ELL: variants seen among roughly 807,000 people sequenced by gnomAD.
ELL encodes elongation factor for RNA polymerase II.
Under a neutral mutation model 64.0 loss-of-function variants are expected in ELL, and 18 were observed. That is an observed-to-expected ratio of 0.28 (90% confidence interval 0.19 to 0.42). The LOEUF is 0.42. Among genes scored for constraint, ELL ranks in the 10% least tolerant of loss-of-function variants. The pLI is 1.00. For missense variants in ELL, 797 were observed against 870.4 expected (o/e 0.92, Z 1.06); for synonymous variants, 399 against 376.2 (o/e 1.06, Z -0.70).
intron 1 of ELL, among the ~76,000 whole-genome samples, chr19:18,509,689 T>C (rs1975976255): frequency 7.0e-6 from 1 of 143,556 alleles, no homozygotes; most frequent in African/African-American, 2.6e-5. Flanking sequence ...CTGGGGCTCC[T>C]CCTGGAAGTA....
chr19:18,474,375 C>G (rs1975132393), intron 1 of ELL, among the ~76,000 whole-genome samples: 1 of 152,204 alleles, frequency 6.6e-6, no homozygotes, highest in South Asian at 2.1e-4. Context: ...CAGGAGCCCC[C>G]TTCTTTGCCA....
At chr19:18,453,345 C>T (rs181696096) in intron 6 of ELL, among the ~76,000 whole-genome samples, 55 of 152,344 alleles carry the variant, frequency 3.6e-4, no homozygotes, top group Admixed American at 9.8e-4. Flanking sequence ...TCTGAATAGA[C>T]GTTTCTTCAA....
intron 1 of ELL, among the ~76,000 whole-genome samples, chr19:18,512,499 C>T (rs755506317): frequency 2.0e-5 from 3 of 146,912 alleles, no homozygotes; most frequent in Non-Finnish European, 4.5e-5. Flanking sequence ...AGCAACCAGG[C>T]GTGATGATGG....
At chr19:18,453,427 C>G (rs1000697964) in intron 6 of ELL, among the ~76,000 whole-genome samples, 2 of 152,176 alleles carry the variant, frequency 1.3e-5, no homozygotes, top group Non-Finnish European at 2.9e-5. Flanking sequence ...AAATGCAAAT[C>G]AAAACAACGA....
chr19:18,455,522 C>G, intron 6 of ELL, among the ~76,000 whole-genome samples: 1 of 150,324 alleles, frequency 6.7e-6, no homozygotes, highest in East Asian at 1.9e-4. Context: ...CATGCTCCTA[C>G]GAAAACGCAA....
chr19:18,512,011 C>T (rs1488264922), intron 1 of ELL, among the ~76,000 whole-genome samples: 1 of 151,860 alleles, frequency 6.6e-6, no homozygotes, highest in Non-Finnish European at 1.5e-5. Flanking sequence ...AAAAATTAGC[C>T]GGGCATGGTG....
intron 1 of ELL, among the ~76,000 whole-genome samples, chr19:18,487,743 T>C (rs948656826): frequency 6.6e-6 from 1 of 152,116 alleles, no homozygotes; most frequent in African/African-American, 2.4e-5. Context: ...ATCCTCATCC[T>C]CCTGAAAGTT....
chr19:18,501,040 ACT>A lies in ELL; in HGVS notation c.135+20879_135+20880del, dbSNP rs991871039. On this transcript the variant is annotated intron_variant, in intron 1 of 11. Coordinates refer to ENST00000262809, the MANE Select transcript of ELL (RefSeq NM_006532.4). The surrounding 1 kb of genome is among the most constrained non-coding windows in gnomAD (Gnocchi z 4.5). Reference sequence around the variant, plus strand: ...CTCCAACCACCGAACTTGGGCCAAAACTCACAGCAGGAGAGGCAATGCCGTCC... The same window carrying A: ...CTCCAACCACCGAACTTGGGCCAAAACACAGCAGGAGAGGCAATGCCGTCC... Among the ~76,000 whole-genome samples the A allele has an allele frequency of 1.8e-4, 27 of 152,010 alleles. No homozygotes were observed. Among genetic ancestry groups the A allele is most frequent in the African/African-American group, 6.5e-4 (27 of 41,484 alleles).
chr19:18,481,516 G>A (rs1269269756), intron 1 of ELL, among the ~76,000 whole-genome samples: 1 of 152,068 alleles, frequency 6.6e-6, no homozygotes, highest in Non-Finnish European at 1.5e-5. Flanking sequence ...TCTCTTACGA[G>A]GACACTTGTG....
At chr19:18,518,121 G>T (rs1451519116) in intron 1 of ELL, among the ~76,000 whole-genome samples, 1 of 151,810 alleles carries the variant, frequency 6.6e-6, no homozygotes, top group South Asian at 2.1e-4. Context: ...TTGGGAGGCT[G>T]AGGTTGCAGT....
chr19:18,520,521 G>GAGA (rs1976242084), intron 1 of ELL, among the ~76,000 whole-genome samples: 1 of 152,072 alleles, frequency 6.6e-6, no homozygotes, highest in African/African-American at 2.4e-5. Context: ...GGGGAAAACT[G>GAGA]CGACACCGGG....
chr19:18,453,527 AAAC>A (rs1974586359), intron 6 of ELL, among the ~76,000 whole-genome samples: 1 of 152,142 alleles, frequency 6.6e-6, no homozygotes, highest in South Asian at 2.1e-4. Flanking sequence ...AACAAAAAAC[AAAC>A]AACGAGATAC....
intron 1 of ELL, among the ~76,000 whole-genome samples, chr19:18,506,215 T>C (rs745733547): frequency 6.6e-6 from 1 of 152,222 alleles, no homozygotes; most frequent in African/African-American, 2.4e-5. Context: ...ACAGTCAACA[T>C]GGAGACAGCC....
intron 1 of ELL, among the ~76,000 whole-genome samples, chr19:18,507,859 T>A (rs943421733): frequency 6.6e-6 from 1 of 152,082 alleles, no homozygotes; most frequent in African/African-American, 2.4e-5. Flanking sequence ...CCACTACCCA[T>A]CTGGAGGCAG....
At chr19:18,495,405 G>C (rs1440527635) in intron 1 of ELL, among the ~76,000 whole-genome samples, 1 of 152,194 alleles carries the variant, frequency 6.6e-6, no homozygotes, top group Non-Finnish European at 1.5e-5. Flanking sequence ...AGCAGGAGTT[G>C]GTGGGCCCCA....
chr19:18,486,736 G>A (rs1230352675), intron 1 of ELL, among the ~76,000 whole-genome samples: 2 of 152,160 alleles, frequency 1.3e-5, no homozygotes, highest in Non-Finnish European at 1.5e-5. Flanking sequence ...CAGAAGATAG[G>A]CAAAGATCAC....
intron 1 of ELL, chr19:18,473,173 G>A (rs889784334): frequency 3.0e-6 from 2 of 656,836 alleles, no homozygotes; most frequent in African/African-American, 1.8e-5. Flanking sequence ...GGATGCAGGG[G>A]CGGGGAGTGT....
At chr19:18,457,585 C>G (rs1223467459) in intron 6 of ELL, among the ~76,000 whole-genome samples, 1 of 152,230 alleles carries the variant, frequency 6.6e-6, no homozygotes, top group East Asian at 1.9e-4. Context: ...TGAGAAATCA[C>G]TTACGGACTA....
Position 18,472,886 on chromosome 19 carries a change from T to TAAAAAAAAAAAA in ELL, c.136-16_136-5dup. On this transcript the variant is annotated splice_region_variant and splice_polypyrimidine_tract_variant and intron_variant, in intron 1 of 11. Transcript: ENST00000262809. The stretch of plus-strand genomic sequence containing the variant: ...ATGGCCTCAGTGAAACAGAATCCTA[T>TAAAAAAAAAAAA]AAAAAAAAAAAAAAAAAAAAAAAGG... 2 of 1,213,064 alleles carry TAAAAAAAAAAAA rather than the reference T, an allele frequency of 1.6e-6. No homozygotes were observed. The highest frequency in any genetic ancestry group is 2.1e-6 in the Non-Finnish European group (2 of 961,852). 75.1% of individuals were successfully genotyped at this position (1,213,064 alleles called of 1,614,324 possible). A position where few individuals can be genotyped will look rare whatever the true frequency, so the allele number is the denominator to read the frequency against.
Sources: gnomAD v4.1 joint callset for allele counts (sites outside exome capture counted in the v4.1 genomes callset) on GRCh38, gnomAD v4.1.1 for gene constraint, Gnocchi (gnomAD v3.1) non-coding constraint, MANE v1.5 for transcripts, NCBI Gene and HGNC (gene_info 2026-07-23, HGNC 2026-07-21) for gene names.